Variants in MKLN1 observed in about 807,000 individuals in gnomAD.
The protein encoded by MKLN1 is muskelin.
Under a neutral mutation model 99.0 loss-of-function variants are expected in MKLN1, and 18 were observed. That is an observed-to-expected ratio of 0.18 (90% CI 0.13 to 0.27). The LOEUF is 0.27. Among genes scored for constraint, MKLN1 ranks in the 10% least tolerant of loss-of-function variants. The pLI is 1.00. For synonymous variants in MKLN1, 288 were observed against 293.2 expected (o/e 0.98, Z 0.18); for missense variants, 621 against 875.9 (o/e 0.71, Z 3.67).
intron 3 of MKLN1, among the ~76,000 whole-genome samples, chr7:131,237,074 AT>A (rs1451130754): frequency 2.0e-5 from 3 of 152,026 alleles, no homozygotes; most frequent in Non-Finnish European, 4.4e-5. Context: ...TTGTTTGCTT[AT>A]TTTTTGCCTA....
At chr7:131,341,145 TG>T (rs1438675027) in intron 1 of MKLN1, among the ~76,000 whole-genome samples, 1 of 152,126 alleles carries the variant, frequency 6.6e-6, no homozygotes, top group Non-Finnish European at 1.5e-5. Flanking sequence ...TCTAATTCTT[TG>T]AACATAATTA....
intron 1 of MKLN1, among the ~76,000 whole-genome samples, chr7:131,127,100 G>C (rs1795473075): frequency 6.6e-6 from 1 of 151,668 alleles, no homozygotes; most frequent in Admixed American, 6.6e-5. Context: ...GGGAGGCGGA[G>C]GCTGCGGTGA....
intron 7 of MKLN1, 67 bp from the exon 8 acceptor site, chr7:131,414,578 A>G (rs748521013): frequency 1.6e-4 from 177 of 1,112,500 alleles, no homozygotes; most frequent in Non-Finnish European, 2.1e-4. Flanking sequence ...CAGACTTATG[A>G]ATAAATTTAC....
chr7:131,378,977 G>T (rs1196339362), intron 2 of MKLN1, among the ~76,000 whole-genome samples: 4 of 151,850 alleles, frequency 2.6e-5, no homozygotes, highest in Admixed American at 2.0e-4. Context: ...AGGGACCGTG[G>T]AAAGAATTGC....
intron 2 of MKLN1, among the ~76,000 whole-genome samples, chr7:131,376,519 A>G (rs1269323161): frequency 6.6e-6 from 1 of 151,144 alleles, no homozygotes; most frequent in Non-Finnish European, 1.5e-5. Flanking sequence ...GCACACGCCT[A>G]TAGTCCCAGC....
intron 3 of MKLN1, among the ~76,000 whole-genome samples, chr7:131,244,234 A>G (rs979745529): frequency 6.6e-6 from 1 of 152,180 alleles, no homozygotes; most frequent in African/African-American, 2.4e-5. Flanking sequence ...AGAATACTGC[A>G]TATTTCTCAA....
At chr7:131,364,945 A>G (rs1333633679) in intron 1 of MKLN1, among the ~76,000 whole-genome samples, 1 of 152,130 alleles carries the variant, frequency 6.6e-6, no homozygotes, top group East Asian at 1.9e-4. Context: ...ACGGTACTTT[A>G]CGGTAAAATG....
At chr7:131,170,043 T>C (rs753576358) in intron 2 of MKLN1, among the ~76,000 whole-genome samples, 12 of 152,086 alleles carry the variant, frequency 7.9e-5, no homozygotes, top group South Asian at 4.2e-4. Flanking sequence ...TGAGCTACGA[T>C]CATGCCACTG....
At chr7:131,342,306 C>G (rs965374178) in intron 1 of MKLN1, among the ~76,000 whole-genome samples, 5 of 152,126 alleles carry the variant, frequency 3.3e-5, no homozygotes, top group African/African-American at 7.2e-5. Flanking sequence ...GACAGTTTAG[C>G]TAGTCCTTTA....
At chr7:131,333,535 C>T (rs1232831332) in intron 1 of MKLN1, among the ~76,000 whole-genome samples, 1 of 151,940 alleles carries the variant, frequency 6.6e-6, no homozygotes, top group Non-Finnish European at 1.5e-5. Flanking sequence ...TTTTGCTTTA[C>T]AGAAATTTTT....
chr7:131,334,573 A>T (rs1799196036), intron 1 of MKLN1, among the ~76,000 whole-genome samples: 1 of 152,204 alleles, frequency 6.6e-6, no homozygotes. Context: ...TCAAATGTTG[A>T]GAGGTTTATG....
At chr7:131,132,983 A>AAAGAAAGAAAGAAAGAAAGAAAGAAAG (rs1554526897) in intron 1 of MKLN1, among the ~76,000 whole-genome samples, 3 of 137,358 alleles carry the variant, frequency 2.2e-5, no homozygotes, top group Non-Finnish European at 3.1e-5. Flanking sequence ...AAGAAAGAAA[A>AAAGAAAGAAAGAAAGAAAGAAAGAAAG]ACCAGAGCAT....
At chr7:131,154,519 A>C (rs4731757) in intron 2 of MKLN1, among the ~76,000 whole-genome samples, 70,748 of 151,906 alleles carry the variant, frequency 0.47, 17,723 homozygotes, top group Non-Finnish European at 0.57. Flanking sequence ...TTGAGAGTTG[A>C]TATAAATTTA....
At chr7:131,165,665 G>C (rs1439572429) in intron 2 of MKLN1, among the ~76,000 whole-genome samples, 1 of 152,246 alleles carries the variant, frequency 6.6e-6, no homozygotes, top group Admixed American at 6.5e-5. Context: ...GGTAGGGCTT[G>C]AATTCCAGTC....
At chr7:131,372,109 C>T (rs1793481437) in intron 1 of MKLN1, among the ~76,000 whole-genome samples, 1 of 151,940 alleles carries the variant, frequency 6.6e-6, no homozygotes, top group Admixed American at 6.6e-5. Context: ...ACCTCACTTC[C>T]ATGACATCTA....
intron 1 of MKLN1, among the ~76,000 whole-genome samples, chr7:131,137,189 G>A (rs925991312): frequency 2.0e-5 from 3 of 152,062 alleles, no homozygotes; most frequent in Admixed American, 6.6e-5. Flanking sequence ...CTAGAATAGC[G>A]CCTGTACAGT....
chr7:131,196,545 C>T (rs7786488), intron 2 of MKLN1, among the ~76,000 whole-genome samples: 7,278 of 151,154 alleles, frequency 0.048, 575 homozygotes, highest in African/African-American at 0.17. Context: ...TTTTCCAAAA[C>T]GGTGTGCTAA....
In MKLN1 at chr7:131,477,375, G is replaced by A. The variant is rs892698158; in HGVS notation, c.2032-1248G>A. Among the ~76,000 whole-genome samples the A allele has an allele frequency of 3.0e-5, 4 of 134,088 alleles. No individual in the cohort carries two copies. In the South Asian group the frequency reaches 7.2e-4, roughly 24 times the overall value. 88.0% of individuals were successfully genotyped at this position (134,088 alleles called of 152,430 possible). A position where few individuals can be genotyped will look rare whatever the true frequency, so the allele number is the denominator to read the frequency against. On this transcript the variant is annotated intron_variant, in intron 16 of 17. Transcript: ENST00000352689. The stretch of plus-strand genomic sequence containing the variant: ...CAGCCTGGGCAACATGTGAGACCTC[G>A]TCTCTACCAAAAAAAAAAAAAAGTC...
At chr7:131,458,849 T>G (rs1391670785) in intron 12 of MKLN1, among the ~76,000 whole-genome samples, 3 of 152,210 alleles carry the variant, frequency 2.0e-5, no homozygotes, top group Non-Finnish European at 4.4e-5. Context: ...AAGTTGTTAT[T>G]CCATTGTATT....
Sources: gnomAD v4.1 joint callset for allele counts (sites outside exome capture counted in the v4.1 genomes callset) on GRCh38, gnomAD v4.1.1 for gene constraint, MANE v1.5 for transcripts, NCBI Gene and HGNC (gene_info 2026-07-23, HGNC 2026-07-21) for gene names.